The following LGSN variants were observed in gnomAD, a reference collection of about 807,000 sequenced individuals.
LGSN encodes lengsin.
LGSN carries 21 observed loss-of-function variants against 19.5 expected under a neutral mutation model. The ratio of observed to expected loss-of-function variants is 1.07; its 90% confidence interval spans 0.76 to 1.55. The LOEUF is 1.55. Among genes scored for constraint, LGSN ranks in the 40% most tolerant of loss-of-function variants. The probability of loss-of-function intolerance (pLI) is 0.00; values close to 1 mark genes in which losing one functional copy is unlikely to be tolerated. For missense variants in LGSN, 673 were observed against 608.5 expected (o/e 1.11, Z -1.12); for synonymous variants, 257 against 215.6 (o/e 1.19, Z -1.68).
the LGSN span, among the ~76,000 whole-genome samples, chr6:63,555,639 G>GTCTAGCAAT: frequency 6.6e-6 from 1 of 150,876 alleles, no homozygotes; most frequent in Non-Finnish European, 1.5e-5. Context: ...CATCCACTCT[G>GTCTAGCAAT]TCTAGCAATG....
At chr6:63,489,007 T>C in the LGSN span, among the ~76,000 whole-genome samples, 1 of 152,190 alleles carries the variant, frequency 6.6e-6, no homozygotes, top group Admixed American at 6.5e-5. Flanking sequence ...TGGCAATCCA[T>C]AACAAATAAA....
At chr6:63,463,961 C>T in the LGSN span, among the ~76,000 whole-genome samples, 3 of 151,790 alleles carry the variant, frequency 2.0e-5, no homozygotes, top group African/African-American at 7.3e-5. Context: ...AAGAGTGTGC[C>T]CTTATCTTAT....
chr6:63,338,598 G>A, the LGSN span, among the ~76,000 whole-genome samples: 1 of 151,476 alleles, frequency 6.6e-6, no homozygotes, highest in African/African-American at 2.4e-5. Context: ...TTGTTTTCTT[G>A]GTTAGTTTAG....
At chr6:63,370,259 T>C in the LGSN span, among the ~76,000 whole-genome samples, 2 of 152,212 alleles carry the variant, frequency 1.3e-5, no homozygotes, top group Non-Finnish European at 2.9e-5. Flanking sequence ...TGTGCTGGCA[T>C]GGTATCCCAG....
chr6:63,390,050 A>C, the LGSN span, among the ~76,000 whole-genome samples: 15 of 151,142 alleles, frequency 9.9e-5, no homozygotes, highest in Admixed American at 4.6e-4. Context: ...AAAGACTCTA[A>C]TGGTCTCAGA....
the LGSN span, among the ~76,000 whole-genome samples, chr6:63,431,544 T>G: frequency 6.6e-6 from 1 of 152,220 alleles, no homozygotes; most frequent in African/African-American, 2.4e-5. Context: ...TACCACTTAC[T>G]AGTTGTATGA....
At chr6:63,362,883 C>T in the LGSN span, among the ~76,000 whole-genome samples, 4 of 152,146 alleles carry the variant, frequency 2.6e-5, no homozygotes, top group Admixed American at 6.6e-5. Context: ...GATCTGAAAA[C>T]GGACAGACTG....
chr6:63,306,508 G>T (rs1768393264), intron 1 of LGSN, among the ~76,000 whole-genome samples: 1 of 152,126 alleles, frequency 6.6e-6, no homozygotes, highest in South Asian at 2.1e-4. Flanking sequence ...AGTCCCAAGA[G>T]TGAAGTTGTA....
chr6:63,468,939 G>A, the LGSN span, among the ~76,000 whole-genome samples: 1 of 152,104 alleles, frequency 6.6e-6, no homozygotes, highest in South Asian at 2.1e-4. Flanking sequence ...AGTAGAGATG[G>A]GGTTTCACCA....
the LGSN span, among the ~76,000 whole-genome samples, chr6:63,331,346 T>A: frequency 6.6e-6 from 1 of 152,160 alleles, no homozygotes; most frequent in Non-Finnish European, 1.5e-5. Context: ...GTACTGTAAT[T>A]TGTACTTCTC....
the LGSN span, among the ~76,000 whole-genome samples, chr6:63,344,712 G>T: frequency 1.3e-5 from 2 of 151,438 alleles, no homozygotes; most frequent in South Asian, 2.1e-4. Context: ...GGGCCAAATT[G>T]ATTATTAGTA....
At chr6:63,382,840 C>T in the LGSN span, among the ~76,000 whole-genome samples, 2 of 152,112 alleles carry the variant, frequency 1.3e-5, no homozygotes, top group African/African-American at 4.8e-5. Context: ...ACAACATATA[C>T]ATATATAATA....
the LGSN span, among the ~76,000 whole-genome samples, chr6:63,459,995 C>T: frequency 5.9e-4 from 90 of 151,992 alleles, no homozygotes; most frequent in African/African-American, 2.1e-3. Flanking sequence ...GCTCCATGTC[C>T]ACACCCTTCA....
the LGSN span, among the ~76,000 whole-genome samples, chr6:63,442,110 C>G: frequency 6.6e-6 from 1 of 152,154 alleles, no homozygotes; most frequent in African/African-American, 2.4e-5. Context: ...GACAGCGCAT[C>G]TGGAGTTGTT....
At chr6:63,468,929 A>G in the LGSN span, among the ~76,000 whole-genome samples, 1 of 151,960 alleles carries the variant, frequency 6.6e-6, no homozygotes, top group Non-Finnish European at 1.5e-5. Context: ...TTGTATTTTT[A>G]GTAGAGATGG....
chr6:63,440,847 G>T, the LGSN span: 2 of 173,318 alleles, frequency 1.2e-5, no homozygotes, highest in Middle Eastern at 1.1e-3. Flanking sequence ...CAGCAACCTG[G>T]ATGAAGACCC....
chr6:63,483,363 A>T, the LGSN span, among the ~76,000 whole-genome samples: 1 of 122,380 alleles, frequency 8.2e-6, no homozygotes, highest in Non-Finnish European at 1.6e-5. Flanking sequence ...GTGGAAAAGG[A>T]AGCTCTTTTT....
chr6:63,526,803 G>GTATATATATATATA, the LGSN span, among the ~76,000 whole-genome samples: 381 of 101,368 alleles, frequency 3.8e-3, 5 homozygotes, highest in African/African-American at 7.3e-3. Context: ...TCTCAAAAAT[G>GTATATATATATATA]TATATATATA....
the LGSN span, among the ~76,000 whole-genome samples, chr6:63,445,545 A>T: frequency 3.3e-5 from 5 of 151,960 alleles, no homozygotes; most frequent in Middle Eastern, 3.4e-3. Context: ...TTGAACCTGG[A>T]AGGTGGAGGT....
Sources: gnomAD v4.1 joint callset for allele counts (sites outside exome capture counted in the v4.1 genomes callset) on GRCh38, gnomAD v4.1.1 for gene constraint, MANE v1.5 for transcripts, NCBI Gene and HGNC (gene_info 2026-07-23, HGNC 2026-07-21) for gene names.